The following MACROD2 variants were observed in gnomAD, a reference collection of about 807,000 sequenced individuals.
MACROD2 encodes the protein ADP-ribose glycohydrolase MACROD2.
Under a neutral mutation model 70.4 loss-of-function variants are expected in MACROD2, and 36 were observed. The ratio of observed to expected loss-of-function variants is 0.51; its 90% confidence interval spans 0.39 to 0.68. The LOEUF is 0.68. MACROD2 is among the 30% of genes least tolerant of loss of function. The pLI is 0.00. For missense variants in MACROD2, 496 were observed against 538.4 expected, an observed-to-expected ratio of 0.92 and a Z score of 0.78; for synonymous variants, 172 against 178.8, an observed-to-expected ratio of 0.96 and a Z score of 0.30.
chr20:14,200,570 A>G (rs974869743), intron 3 of MACROD2, among the ~76,000 whole-genome samples: 1 of 152,216 alleles, frequency 6.6e-6, no homozygotes, highest in Non-Finnish European at 1.5e-5. Flanking sequence ...CCTCCTCTTT[A>G]AGAGTATTTC....
chr20:15,930,775 A>G (rs1001946111), intron 10 of MACROD2, among the ~76,000 whole-genome samples: 3 of 152,226 alleles, frequency 2.0e-5, no homozygotes, highest in African/African-American at 7.2e-5. Context: ...ACCCAGAAGC[A>G]GTAGACTAGG....
chr20:15,605,094 A>AT (rs1234777145), intron 8 of MACROD2, among the ~76,000 whole-genome samples: 3 of 152,004 alleles, frequency 2.0e-5, no homozygotes, highest in African/African-American at 7.3e-5. Flanking sequence ...ATGTTGAATG[A>AT]TTTTTTCCTC....
At chr20:15,258,370 G>T (rs530255465) in intron 6 of MACROD2, among the ~76,000 whole-genome samples, 1 of 152,044 alleles carries the variant, frequency 6.6e-6, no homozygotes, top group African/African-American at 2.4e-5. Context: ...AGTCCTGAAA[G>T]CTCCCTTCAT....
At chr20:15,487,110 C>T (rs1363752525) in intron 7 of MACROD2, among the ~76,000 whole-genome samples, 1 of 152,200 alleles carries the variant, frequency 6.6e-6, no homozygotes, top group African/African-American at 2.4e-5. Context: ...CATCTGCTCA[C>T]ATACCACTGA....
At chr20:15,283,808 A>G (rs183951850) in intron 6 of MACROD2, among the ~76,000 whole-genome samples, 158 of 152,310 alleles carry the variant, frequency 1.0e-3, no homozygotes, top group African/African-American at 3.7e-3. Flanking sequence ...CTCTTCCAAC[A>G]TTTTATCATG....
chr20:14,565,884 T>C (rs1979768276), intron 4 of MACROD2, among the ~76,000 whole-genome samples: 1 of 151,890 alleles, frequency 6.6e-6, no homozygotes, highest in Non-Finnish European at 1.5e-5. Context: ...CCTTCCTTTC[T>C]TTTTACCCCT....
chr20:15,122,783 G>T (rs2076039991), intron 5 of MACROD2, among the ~76,000 whole-genome samples: 1 of 152,116 alleles, frequency 6.6e-6, no homozygotes, highest in Non-Finnish European at 1.5e-5. Flanking sequence ...TGCCTCATGA[G>T]GGGGAAAAAC....
At position 14,597,812 on chromosome 20, in the gene MACROD2, G is replaced by C. The variant is rs535773781; in HGVS notation, c.302-87031G>C. ...ATTTCCAAAATATTAATAAAAAATA[G>C]AGTTGTTTGCAATAATTAAACAATA... On this transcript the variant is annotated intron_variant, in intron 4 of 17. Coordinates refer to ENST00000684519, the MANE Select transcript of MACROD2 (RefSeq NM_001351661.2). 3.7e-4 allele frequency among the ~76,000 whole-genome samples: 57 copies of C among 152,066 alleles called. No homozygotes were observed. In the South Asian group the frequency reaches 0.012, roughly 31 times the overall value.
intron 4 of MACROD2, among the ~76,000 whole-genome samples, chr20:14,505,348 G>T (rs2084957149): frequency 6.6e-6 from 1 of 152,128 alleles, no homozygotes; most frequent in South Asian, 2.1e-4. Context: ...ATTTAGATTG[G>T]TGCTCTTAAA....
chr20:14,572,867 AC>A (rs1980296779), intron 4 of MACROD2, among the ~76,000 whole-genome samples: 1 of 150,716 alleles, frequency 6.6e-6, no homozygotes, highest in Non-Finnish European at 1.5e-5. Context: ...AGATATTTTA[AC>A]ATATTAAATA....
chr20:14,702,674 TAC>T lies in MACROD2; in HGVS notation c.418+17719_418+17720del, dbSNP rs1216633659. Among the ~76,000 whole-genome samples, 4 of 78,420 alleles carry T rather than the reference TAC, an allele frequency of 5.1e-5. 1 individual carries two copies. Among genetic ancestry groups the T allele is most frequent in the African/African-American group, 1.9e-4 (4 of 20,948 alleles). The allele number at this position is 78,420 out of a possible 152,430, so 51.4% of individuals were successfully genotyped here. ...ACACATATATATGTGTATATATATA[TAC>T]ACATATATGTGTATATATATGTATA... On this transcript the variant is annotated intron_variant, in intron 5 of 17. Transcript: ENST00000684519.
intron 5 of MACROD2, among the ~76,000 whole-genome samples, chr20:14,807,008 G>A (rs551817334): frequency 6.6e-6 from 1 of 152,218 alleles, no homozygotes; most frequent in Admixed American, 6.5e-5. Flanking sequence ...GTGGCTGTAG[G>A]CACAGCTTTA....
chr20:14,118,842 A>ATTTTTT (rs1225541555), intron 3 of MACROD2, among the ~76,000 whole-genome samples: 1 of 121,240 alleles, frequency 8.2e-6, no homozygotes, highest in Non-Finnish European at 1.8e-5. Context: ...AGTGACTGTG[A>ATTTTTT]TTTTTTTTTT....
chr20:15,631,047 G>A (rs752445520), intron 8 of MACROD2, among the ~76,000 whole-genome samples: 4 of 152,164 alleles, frequency 2.6e-5, no homozygotes, highest in Non-Finnish European at 4.4e-5. Flanking sequence ...TTCTGAATAC[G>A]TAACTAAAAA....
intron 15 of MACROD2, among the ~76,000 whole-genome samples, chr20:16,032,491 A>G (rs1027230722): frequency 6.6e-6 from 1 of 151,990 alleles, no homozygotes; most frequent in Non-Finnish European, 1.5e-5. Context: ...AGTGTCCATA[A>G]TAATAAGTCT....
At chr20:15,308,155 A>C (rs2077716087) in intron 6 of MACROD2, among the ~76,000 whole-genome samples, 1 of 152,182 alleles carries the variant, frequency 6.6e-6, no homozygotes, top group Non-Finnish European at 1.5e-5. Flanking sequence ...ATCTTTTTGT[A>C]ATTAATTTAT....
At chr20:14,911,329 T>A (rs551282515) in intron 5 of MACROD2, among the ~76,000 whole-genome samples, 1 of 152,264 alleles carries the variant, frequency 6.6e-6, no homozygotes, top group African/African-American at 2.4e-5. Context: ...CTAGTTGATT[T>A]TTTTTTCTTT....
intron 5 of MACROD2, among the ~76,000 whole-genome samples, chr20:14,763,997 T>C (rs966551037): frequency 3.3e-5 from 5 of 152,122 alleles, no homozygotes; most frequent in African/African-American, 1.2e-4. Flanking sequence ...GTATTTCCAG[T>C]TGCCTTATCC....
intron 3 of MACROD2, chr20:14,127,572 C>T (rs533757539): frequency 3.8e-5 from 18 of 477,472 alleles, no homozygotes; most frequent in Middle Eastern, 4.7e-4. Flanking sequence ...AGAGAAGAAA[C>T]TTTGAGTAGG....
Sources: gnomAD v4.1 joint callset for allele counts (sites outside exome capture counted in the v4.1 genomes callset) on GRCh38, gnomAD v4.1.1 for gene constraint, MANE v1.5 for transcripts, NCBI Gene and HGNC (gene_info 2026-07-23, HGNC 2026-07-21) for gene names.